MEGF8: variants seen among roughly 807,000 people sequenced by gnomAD.
The protein encoded by MEGF8 is multiple EGF like domains 8, also known as multiple epidermal growth factor-like domains protein 8.
MEGF8 carries 156 observed loss-of-function variants against 302.9 expected under a neutral mutation model. The observed-to-expected ratio is 0.52, with a 90% CI of 0.45 to 0.59. The LOEUF (loss-of-function observed/expected upper bound fraction) is 0.59. Among genes scored for constraint, MEGF8 ranks in the 20% least tolerant of loss-of-function variants. The pLI is 0.00. For synonymous variants in MEGF8, 1,621 were observed against 1,660.5 expected (o/e 0.98, Z 0.58); for missense variants, 3,345 against 3,964.5 (o/e 0.84, Z 4.20).
At chr19:42,343,345 G>A (rs1294826176) in intron 8 of MEGF8, 132 bp from the exon 9 acceptor site, 3 of 967,136 alleles carry the variant, frequency 3.1e-6, no homozygotes, top group Non-Finnish European at 4.4e-6. Context: ...CTGGGAGAGT[G>A]TCCTTGGGCA....
chr19:42,349,411 G>A, intron 13 of MEGF8, 88 bp from the exon 14 acceptor site: 1 of 1,190,258 alleles, frequency 8.4e-7, no homozygotes, highest in Non-Finnish European at 1.2e-6. Flanking sequence ...AGGGGGTGGG[G>A]TACAGGGTGG....
At position 42,351,888 on chromosome 19, in the gene MEGF8, T is replaced by G. The variant is rs2039379661; in HGVS notation, c.3101+127T>G. 13 of 802,418 alleles carry G rather than the reference T, an allele frequency of 1.6e-5. No homozygotes were observed. The South Asian group carries it at 2.3e-4, about 14-fold the overall frequency. The allele number at this position is 802,418 out of a possible 1,614,324, so 49.7% of individuals were successfully genotyped here. ...CATGGCCACCTTCCCTTTTCCGTAC[T>G]GTTTTTCTGTTGTTTATTTTACCCT... On this transcript the variant is annotated intron_variant, in intron 18 of 41. Transcript: ENST00000251268. This position sits in a 1 kb window ranked among gnomAD's most constrained non-coding sequence, Gnocchi z 5.6.
Position 42,354,014 on chromosome 19 carries a change from C to A in MEGF8, c.4001C>A (p.Thr1334Asn). The A allele has an allele frequency of 1.9e-6, 3 of 1,587,100 alleles. No homozygotes were observed. The highest frequency in any genetic ancestry group is 2.6e-6 in the Non-Finnish European group (3 of 1,167,380). The part of the protein sequence containing the change: ...LTLTFSPDSS[T>N]PCTLSYVLAF... The stretch of plus-strand genomic sequence containing the variant: ...CTCACCTTCTCCCCCGACAGCAGCA[C>A]CCCCTGCACGGTGAGCACTGAGGAA... The change falls in exon 22 of 42, where the codon ACC becomes AAC. Residue 1334 changes from threonine (T) to asparagine (N), a missense_variant. Physicochemically the swap from Thr to Asn is moderately conservative, Grantham distance 65. Coordinates refer to ENST00000251268, the MANE Select transcript of MEGF8 (RefSeq NM_001271938.2). The surrounding 1 kb of genome is among the most constrained non-coding windows in gnomAD (Gnocchi z 4.3).
intron 1 of MEGF8, among the ~76,000 whole-genome samples, chr19:42,328,852 A>G (rs1029669237): frequency 6.6e-6 from 1 of 151,780 alleles, no homozygotes; most frequent in Non-Finnish European, 1.5e-5. Context: ...CTCTACCTCA[A>G]AAAAAAAGAA....
rs780112441 is a variant in MEGF8, at chr19:42,333,610, A to G, written c.193A>G (p.Ser65Gly). The change falls in exon 2 of 42, where the codon AGC becomes GGC. Residue 65 changes from serine (S) to glycine (G), a missense_variant. Ser to Gly is a moderately conservative substitution (Grantham distance 56, BLOSUM62 0). Transcript: ENST00000251268. ...GNCEWLIEAP[S>G]PQHRILLDFL... ...CCTCTGTGCTCACCTCCCAGCCCCA[A>G]GCCCCCAGCACCGGATCCTGCTGGA... 1 of 1,613,550 alleles carries G rather than the reference A, an allele frequency of 6.2e-7. No homozygotes were observed. The highest frequency in any genetic ancestry group is 1.1e-5 in the South Asian group (1 of 91,046).
At chr19:42,331,596 T>G (rs983711967) in intron 1 of MEGF8, among the ~76,000 whole-genome samples, 1 of 150,834 alleles carries the variant, frequency 6.6e-6, no homozygotes, top group Non-Finnish European at 1.5e-5. Flanking sequence ...TGAAACAGAG[T>G]TTCACTCTTG....
Position 42,351,631 on chromosome 19 carries a change from C to A in MEGF8, c.2988-17C>A, listed in dbSNP as rs754424391. ...CAAGGGGCTGGGGCTCTGACCCCCA[C>A]CCCTGCCATCCTGCAGTGTACACTC... On this transcript the variant is annotated splice_polypyrimidine_tract_variant and intron_variant, in intron 17 of 41. Transcript: ENST00000251268. This position sits in a 1 kb window ranked among gnomAD's most constrained non-coding sequence, Gnocchi z 5.6. 26 of 1,590,872 alleles carry A rather than the reference C, an allele frequency of 1.6e-5. No individual in the cohort carries two copies. In the South Asian group the frequency reaches 2.9e-4, roughly 17 times the overall value.
chr19:42,350,212 T>G lies in MEGF8; in HGVS notation c.2564T>G (p.Leu855Arg). ...TCCTGCACCTCCTATTCTTCCTGCC[T>G]GGGCTGCTTGGCAGACCAGGGCTGT... Reference protein sequence around the residue: ...SSSCTSYSSCLGCLADQGCGW... With the variant: ...SSSCTSYSSCRGCLADQGCGW... Residue 855 changes from leucine (L) to arginine (R), a missense_variant, in exon 15 of 42, where the codon CTG becomes CGG. By Grantham distance (102) the Leu-to-Arg change is moderately radical (BLOSUM62 -2). Coordinates refer to ENST00000251268, the MANE Select transcript of MEGF8 (RefSeq NM_001271938.2). 1 of 1,613,586 alleles carries G rather than the reference T, an allele frequency of 6.2e-7. No individual in the cohort carries two copies. Among genetic ancestry groups the G allele is most frequent in the Non-Finnish European group, 8.5e-7 (1 of 1,179,878 alleles).
intron 23 of MEGF8, 39 bp from the exon 24 acceptor site, chr19:42,355,719 C>T (rs369958301): frequency 7.2e-6 from 11 of 1,526,636 alleles, no homozygotes; most frequent in South Asian, 6.2e-5. Flanking sequence ...GGGCCAGGAA[C>T]GTGACTTTGC....
chr19:42,368,486 G>C lies in MEGF8; in HGVS notation c.6305G>C (p.Cys2102Ser), dbSNP rs764738722. 38 of 1,609,994 alleles carry C rather than the reference G, an allele frequency of 2.4e-5. No homozygotes were observed. The highest frequency in any genetic ancestry group is 3.2e-5 in the Non-Finnish European group (38 of 1,178,810). ...AGCCCTTCCTACCTGCCCCTGCGAT[G>C]TATGGCCGGAGGCTGTGGGCGGCTG... The part of the protein sequence containing the change: ...CLSPSYLPLR[C>S]MAGGCGRLLR... Residue 2102 changes from cysteine (C) to serine (S), a missense_variant, in exon 36 of 42, where the codon TGT becomes TCT. Physicochemically the swap from Cys to Ser is moderately radical, Grantham distance 112. Coordinates refer to ENST00000251268, the MANE Select transcript of MEGF8 (RefSeq NM_001271938.2). The surrounding 1 kb of genome is among the most constrained non-coding windows in gnomAD (Gnocchi z 4.9).
At chr19:42,349,876 C>G (rs2039343751) in intron 14 of MEGF8, among the ~76,000 whole-genome samples, 177 bp downstream of exon 14, 1 of 152,148 alleles carries the variant, frequency 6.6e-6, no homozygotes, top group African/African-American at 2.4e-5. Flanking sequence ...TGACCTCTGC[C>G]TATAGACCCT....
At position 42,343,618 on chromosome 19, in the gene MEGF8, C is replaced by A. The variant is rs1359856325; in HGVS notation, c.1655C>A (p.Ala552Glu). The A allele has an allele frequency of 6.2e-7, 1 of 1,607,946 alleles. No individual in the cohort carries two copies. Among genetic ancestry groups the A allele is most frequent in the Admixed American group, 1.7e-5 (1 of 59,520 alleles). ...AYKVPPFVFQAPAPDYHLDYC... is the reference protein window; with the variant it reads ...AYKVPPFVFQEPAPDYHLDYC... ...AAGGTGCCCCCCTTTGTGTTCCAGG[C>A]ACCTGCCCCTGACGTGAGCACTGGG... The change falls in exon 9 of 42, where the codon GCA (alanine) becomes GAA (glutamate). Residue 552 changes from alanine to glutamate, a missense_variant. Physicochemically the swap from Ala to Glu is moderately radical, Grantham distance 107 (BLOSUM62 -1). Transcript: ENST00000251268.
chr19:42,343,393 C>G, intron 8 of MEGF8, 84 bp from the exon 9 acceptor site: 2 of 1,447,914 alleles, frequency 1.4e-6, no homozygotes, highest in South Asian at 2.8e-5. Context: ...GAAGGCTGGG[C>G]TGTGGCCCAG....
chr19:42,337,281 A>G, intron 8 of MEGF8, 75 bp downstream of exon 8: 1 of 1,598,086 alleles, frequency 6.3e-7, no homozygotes, highest in Non-Finnish European at 8.5e-7. Flanking sequence ...GGCTCAAGCC[A>G]CCTCAGTCCG....
intron 31 of MEGF8, among the ~76,000 whole-genome samples, chr19:42,359,853 A>ATT (rs891961465): frequency 0.013 from 1,687 of 125,388 alleles, 48 homozygotes; most frequent in African/African-American, 0.045. Flanking sequence ...CGCCTGGATA[A>ATT]TTTTTTTTTT....
chr19:42,334,677 A>G (rs984324121), intron 3 of MEGF8, among the ~76,000 whole-genome samples: 4 of 152,168 alleles, frequency 2.6e-5, no homozygotes, highest in Admixed American at 6.6e-5. Flanking sequence ...CTGAATGTCA[A>G]CTACGCTGTC....
chr19:42,373,293 A>G (rs984293098), intron 41 of MEGF8, among the ~76,000 whole-genome samples: 4 of 149,462 alleles, frequency 2.7e-5, no homozygotes, highest in Admixed American at 2.0e-4. Context: ...GGGTTTCACC[A>G]TGTTGGCCAG....
At chr19:42,341,306 G>A (rs1234386425) in intron 8 of MEGF8, among the ~76,000 whole-genome samples, 2 of 151,878 alleles carry the variant, frequency 1.3e-5, no homozygotes, top group Non-Finnish European at 2.9e-5. Context: ...GTAGATGCCT[G>A]TGGTCACAGC....
intron 35 of MEGF8, among the ~76,000 whole-genome samples, chr19:42,366,292 C>A (rs1393574461): frequency 1.3e-5 from 2 of 152,128 alleles, no homozygotes; most frequent in East Asian, 1.9e-4. Flanking sequence ...TCTCCACCTT[C>A]CAGGTTCAAG....
Sources: gnomAD v4.1 joint callset for allele counts (sites outside exome capture counted in the v4.1 genomes callset) on GRCh38, gnomAD v4.1.1 for gene constraint, Gnocchi (gnomAD v3.1) non-coding constraint, MANE v1.5 for transcripts, NCBI Gene and HGNC (gene_info 2026-07-23, HGNC 2026-07-21) for gene names.